The following SRD5A1 variants were observed in gnomAD, a reference collection of about 807,000 sequenced individuals.
The protein encoded by SRD5A1 is steroid 5 alpha-reductase 1.
SRD5A1 carries 22 observed loss-of-function variants against 28.2 expected under a neutral mutation model. The observed-to-expected ratio is 0.78, with a 90% CI of 0.56 to 1.12. The LOEUF (loss-of-function observed/expected upper bound fraction) is 1.12. Ranked by LOEUF, SRD5A1 falls within the 50% of genes most tolerant of loss-of-function variation. SRD5A1 has a pLI of 0.00. For synonymous variants in SRD5A1, 151 were observed against 135.0 expected, an observed-to-expected ratio of 1.12 and a Z score of -0.82; for missense variants, 300 against 346.7, an observed-to-expected ratio of 0.87 and a Z score of 1.07.
Position 6,671,811 on chromosome 5 carries a change from C to A in SRD5A1, c.*3543C>A, listed in dbSNP as rs1004424439. ...CTCATGTAACCAAATACCACCTGTA[C>A]CCCCAATAACTTATGGGAAAAAAAG... On this transcript the variant is annotated 3_prime_UTR_variant, in exon 5 of 5. Transcript: ENST00000274192. 2 of 152,226 alleles carry A rather than the reference C, an allele frequency of 1.3e-5. No homozygotes were observed. The highest frequency in any genetic ancestry group is 4.8e-5 in the African/African-American group (2 of 41,356). 9.4% of individuals were successfully genotyped at this position (152,226 alleles called of 1,614,324 possible).
At position 6,662,802 on chromosome 5, in the gene SRD5A1, G is replaced by C; in HGVS notation, c.563-14G>C. On this transcript the variant is annotated splice_polypyrimidine_tract_variant and intron_variant, in intron 3 of 4. Coordinates refer to ENST00000274192, the MANE Select transcript of SRD5A1 (RefSeq NM_001047.4). ...TGTAGTAAATGCACTACTTTGGTCT[G>C]TGTTTTCTTCTAGGAGGCTTATTTG... 2 of 1,610,740 alleles carry C rather than the reference G, an allele frequency of 1.2e-6. No homozygotes were observed. Among genetic ancestry groups the C allele is most frequent in the Non-Finnish European group, 1.7e-6 (2 of 1,178,838 alleles).
rs557227823 is a variant in SRD5A1, at chr5:6,661,619, G to A, written c.563-1197G>A. On this transcript the variant is annotated intron_variant, in intron 3 of 4. Coordinates refer to ENST00000274192, the MANE Select transcript of SRD5A1 (RefSeq NM_001047.4). ...ACGATCTCGGCTCATTGCAACCTCTGCCTCCTGGGTTCAAGCGATTCTCAT... is the reference window on the plus strand; with the variant it reads ...ACGATCTCGGCTCATTGCAACCTCTACCTCCTGGGTTCAAGCGATTCTCAT... Among the ~76,000 whole-genome samples the A allele has an allele frequency of 3.5e-5, 5 of 142,320 alleles. No homozygotes were observed. The East Asian group carries it at 8.3e-4, about 24-fold the overall frequency. 93.4% of individuals were successfully genotyped at this position (142,320 alleles called of 152,430 possible). A position where few individuals can be genotyped will look rare whatever the true frequency, so the allele number is the denominator to read the frequency against.
chr5:6,633,875 G>A lies in SRD5A1; in HGVS notation c.293+6G>A, dbSNP rs201385312. 76 of 1,596,696 alleles carry A rather than the reference G, an allele frequency of 4.8e-5. 1 individual carries two copies. In the South Asian group the frequency reaches 6.6e-4, roughly 14 times the overall value. On this transcript the variant is annotated splice_donor_region_variant and intron_variant, in intron 1 of 4. Transcript: ENST00000274192. Reference sequence around the variant, plus strand: ...CTCGTCCACTACGGGCATCGGTAACGTCCCCGGCCCCCGGCCCCCTACCCT... The same window carrying A: ...CTCGTCCACTACGGGCATCGGTAACATCCCCGGCCCCCGGCCCCCTACCCT...
intron 1 of SRD5A1, among the ~76,000 whole-genome samples, chr5:6,638,577 T>G (rs1222116167): frequency 6.6e-6 from 1 of 152,240 alleles, no homozygotes. Context: ...TGGGTTTCCA[T>G]GTGCTTATGT....
At chr5:6,666,827 G>A (rs1424629269) in intron 4 of SRD5A1, among the ~76,000 whole-genome samples, 4 of 152,218 alleles carry the variant, frequency 2.6e-5, no homozygotes, top group Non-Finnish European at 4.4e-5. Flanking sequence ...GGCATCCTGC[G>A]GCAGTCCTGT....
At chr5:6,642,226 T>C (rs1219589109) in intron 1 of SRD5A1, among the ~76,000 whole-genome samples, 5 of 152,066 alleles carry the variant, frequency 3.3e-5, no homozygotes, top group African/African-American at 1.2e-4. Flanking sequence ...TCAGTGTTGA[T>C]CTGTCATGAG....
chr5:6,638,773 G>A (rs972750464), intron 1 of SRD5A1, among the ~76,000 whole-genome samples: 9 of 152,208 alleles, frequency 5.9e-5, no homozygotes, highest in African/African-American at 2.2e-4. Flanking sequence ...AGCATGCTTT[G>A]TTGGCAGCTG....
chr5:6,661,098 T>C lies in SRD5A1; in HGVS notation c.563-1718T>C, dbSNP rs8192214. Reference sequence around the variant, plus strand: ...ACAGAATCAAACCATATCAGTATTATTTTACAATTCTGAATTATTTCAAGC... The same window carrying C: ...ACAGAATCAAACCATATCAGTATTACTTTACAATTCTGAATTATTTCAAGC... On this transcript the variant is annotated intron_variant, in intron 3 of 4. Transcript: ENST00000274192. Among the ~76,000 whole-genome samples, 733 of 152,330 alleles carry C rather than the reference T, an allele frequency of 4.8e-3. 2 individuals carry two copies. The highest frequency in any genetic ancestry group is 0.037 in the Middle Eastern group (11 of 294).
intron 1 of SRD5A1, among the ~76,000 whole-genome samples, chr5:6,635,083 G>A (rs567627255): frequency 6.6e-6 from 1 of 152,214 alleles, no homozygotes; most frequent in Non-Finnish European, 1.5e-5. Flanking sequence ...TTCTCCTGGT[G>A]TCATGCATTC....
chr5:6,644,504 G>A (rs369515092), intron 1 of SRD5A1, among the ~76,000 whole-genome samples: 12 of 152,034 alleles, frequency 7.9e-5, no homozygotes, highest in African/African-American at 2.4e-4. Context: ...TTCTCATACC[G>A]GTGTCCCTTT....
At chr5:6,651,544 C>G (rs991005147) in intron 1 of SRD5A1, among the ~76,000 whole-genome samples, 2 of 152,094 alleles carry the variant, frequency 1.3e-5, no homozygotes, top group African/African-American at 4.8e-5. Flanking sequence ...CTTGTAGTCC[C>G]AGCTACTCGA....
chr5:6,662,280 C>A (rs1739029946), intron 3 of SRD5A1, among the ~76,000 whole-genome samples: 1 of 152,226 alleles, frequency 6.6e-6, no homozygotes, highest in Non-Finnish European at 1.5e-5. Context: ...CTGCCCCTCG[C>A]TACTCCTCCC....
chr5:6,633,512 G>A lies in SRD5A1; in HGVS notation c.-65G>A. The A allele has an allele frequency of 7.2e-7, 1 of 1,387,972 alleles. No homozygotes were observed. The highest frequency in any genetic ancestry group is 9.3e-7 in the Non-Finnish European group (1 of 1,079,202). 86.0% of individuals were successfully genotyped at this position (1,387,972 alleles called of 1,614,324 possible). On this transcript the variant is annotated 5_prime_UTR_variant, in exon 1 of 5. Coordinates refer to ENST00000274192, the MANE Select transcript of SRD5A1 (RefSeq NM_001047.4). The stretch of plus-strand genomic sequence containing the variant: ...CGGTAGCCGCCCCTCCTGCCCCCGC[G>A]CCGCCGCCCTATATGTTGCCCGCCG...
chr5:6,661,388 A>G (rs1178127133), intron 3 of SRD5A1, among the ~76,000 whole-genome samples: 2 of 90,808 alleles, frequency 2.2e-5, no homozygotes, highest in Admixed American at 1.1e-4. Flanking sequence ...TAAAAATACA[A>G]AACTCCAAAA....
At chr5:6,659,421 T>A (rs1738937609) in intron 3 of SRD5A1, among the ~76,000 whole-genome samples, 1 of 152,098 alleles carries the variant, frequency 6.6e-6, no homozygotes, top group Non-Finnish European at 1.5e-5. Context: ...CCAAAAAAGA[T>A]CATTCTTATT....
At chr5:6,644,953 C>T in intron 1 of SRD5A1, 1 of 456,008 alleles carries the variant, frequency 2.2e-6, no homozygotes, top group Non-Finnish European at 4.4e-6. Flanking sequence ...TGCTTGGCAA[C>T]ACTGCAGCTT....
intron 3 of SRD5A1, among the ~76,000 whole-genome samples, chr5:6,656,987 G>A (rs1738853115): frequency 6.6e-6 from 1 of 152,196 alleles, no homozygotes; most frequent in Non-Finnish European, 1.5e-5. Flanking sequence ...TTTTTAAAAG[G>A]AGTAGATTAC....
rs1238020889 is a variant in SRD5A1, at chr5:6,671,157, G to A, written c.*2889G>A. On this transcript the variant is annotated 3_prime_UTR_variant, in exon 5 of 5. Coordinates refer to ENST00000274192, the MANE Select transcript of SRD5A1 (RefSeq NM_001047.4). ...AGTGTTCCATGATTGCCGCATGCAT[G>A]CCAACATCTACTGTTTTTTGATTTT... 1 of 152,150 alleles carries A rather than the reference G, an allele frequency of 6.6e-6. No homozygotes were observed. The highest frequency in any genetic ancestry group is 6.6e-5 in the Admixed American group (1 of 15,262). The allele number at this position is 152,150 out of a possible 1,614,324, so 9.4% of individuals were successfully genotyped here.
At chr5:6,660,976 C>T (rs1307251629) in intron 3 of SRD5A1, among the ~76,000 whole-genome samples, 1 of 152,182 alleles carries the variant, frequency 6.6e-6, no homozygotes, top group Non-Finnish European at 1.5e-5. Flanking sequence ...TGAGAATTCA[C>T]TATCACAAGA....
Sources: gnomAD v4.1 joint callset for allele counts (sites outside exome capture counted in the v4.1 genomes callset) on GRCh38, gnomAD v4.1.1 for gene constraint, MANE v1.5 for transcripts, NCBI Gene and HGNC (gene_info 2026-07-23, HGNC 2026-07-21) for gene names.